DENND4A: variants seen among roughly 807,000 people sequenced by gnomAD.
DENND4A encodes the protein C-myc promoter-binding protein.
A neutral mutation model predicts 199.3 loss-of-function variants in DENND4A; 70 were observed. That is an observed-to-expected ratio of 0.35 (90% CI 0.29 to 0.43). The LOEUF is 0.43. Among genes scored for constraint, DENND4A ranks in the 20% least tolerant of loss-of-function variants. The pLI is 1.00. For missense variants in DENND4A, 1,723 were observed against 2,255.8 expected (o/e 0.76, Z 4.78); for synonymous variants, 686 against 766.9 (o/e 0.89, Z 1.74).
In DENND4A at chr15:65,718,760, C is replaced by CTTTTTTTTTTT. The variant is rs1038227560; in HGVS notation, c.1589-775_1589-765dup. Among the ~76,000 whole-genome samples, 215 of 67,796 alleles carry CTTTTTTTTTTT rather than the reference C, an allele frequency of 3.2e-3. 4 individuals are homozygous for CTTTTTTTTTTT. Among genetic ancestry groups the CTTTTTTTTTTT allele is most frequent in the East Asian group, 5.5e-3 (12 of 2,194 alleles). The allele number at this position is 67,796 out of a possible 152,430, so 44.5% of individuals were successfully genotyped here. A position where few individuals can be genotyped will look rare whatever the true frequency, so the allele number is the denominator to read the frequency against. The stretch of plus-strand genomic sequence containing the variant: ...TCAAAAGTTTTGCATGTTTTTTTTC[C>CTTTTTTTTTTT]TTTTTTTTTTTTTTTTTTTTTTTTT... On this transcript the variant is annotated intron_variant, in intron 12 of 32. Transcript: ENST00000443035.
In DENND4A at chr15:65,753,610, C is replaced by T. The variant is rs8023857; in HGVS notation, c.312-982G>A. Among the ~76,000 whole-genome samples, 926 of 152,230 alleles carry T rather than the reference C, an allele frequency of 6.1e-3. 7 individuals are homozygous for T. The highest frequency in any genetic ancestry group is 0.021 in the African/African-American group (889 of 41,552). ...CTGACCTCAAGTGATCTGTCTGCCT[C>T]GGCCTCCCAAAGTGTTGGGATTACA... On this transcript the variant is annotated intron_variant, in intron 3 of 32. Coordinates refer to ENST00000443035, the MANE Select transcript of DENND4A (RefSeq NM_001320835.1).
chr15:65,750,910 T>C (rs1016437377), intron 4 of DENND4A, among the ~76,000 whole-genome samples: 22 of 152,038 alleles, frequency 1.4e-4, no homozygotes, highest in African/African-American at 5.3e-4. Context: ...GCAAAGAATA[T>C]GATAGAGAGA....
intron 1 of DENND4A, among the ~76,000 whole-genome samples, chr15:65,781,029 G>A (rs578017687): frequency 1.3e-5 from 2 of 152,290 alleles, no homozygotes; most frequent in African/African-American, 4.8e-5. Flanking sequence ...CTGAGAAGGC[G>A]TTCTAGAGAA....
chr15:65,694,392 T>G (rs2077072487), intron 22 of DENND4A, among the ~76,000 whole-genome samples: 1 of 151,610 alleles, frequency 6.6e-6, no homozygotes, highest in African/African-American at 2.4e-5. Flanking sequence ...GAGGTTGCAG[T>G]GAGCCAAGAT....
chr15:65,731,069 A>T (rs2140388644), intron 9 of DENND4A, among the ~76,000 whole-genome samples: 1 of 152,168 alleles, frequency 6.6e-6, no homozygotes, highest in Admixed American at 6.5e-5. Flanking sequence ...AATGTCAAAG[A>T]TGGCAGCTAG....
intron 25 of DENND4A, 114 bp downstream of exon 25, chr15:65,671,678 C>G (rs1344832016): frequency 2.7e-6 from 2 of 743,934 alleles, no homozygotes; most frequent in East Asian, 5.1e-5. Flanking sequence ...GCGTGAGCCA[C>G]CGCGCCCAGC....
intron 7 of DENND4A, among the ~76,000 whole-genome samples, chr15:65,735,357 G>A (rs576730343): frequency 6.6e-6 from 1 of 152,172 alleles, no homozygotes; most frequent in Non-Finnish European, 1.5e-5. Context: ...CAGCCTGGGC[G>A]ACAGAACCAG....
At chr15:65,681,703 G>A (rs2076582989) in intron 23 of DENND4A, among the ~76,000 whole-genome samples, 1 of 151,862 alleles carries the variant, frequency 6.6e-6, no homozygotes, top group Non-Finnish European at 1.5e-5. Context: ...CGCTTCCTGA[G>A]TAGCTGGGAC....
intron 11 of DENND4A, among the ~76,000 whole-genome samples, chr15:65,723,582 T>A (rs1320281851): frequency 6.6e-6 from 1 of 152,154 alleles, no homozygotes; most frequent in Non-Finnish European, 1.5e-5. Flanking sequence ...CCCCCTTATC[T>A]GTAGAGGATA....
chr15:65,750,529 TA>T (rs968852158), intron 4 of DENND4A, among the ~76,000 whole-genome samples: 13 of 150,658 alleles, frequency 8.6e-5, no homozygotes, highest in African/African-American at 2.2e-4. Flanking sequence ...AAATTCAAAT[TA>T]AAAAAAAGGA....
intron 22 of DENND4A, among the ~76,000 whole-genome samples, chr15:65,694,074 G>C (rs1367639190): frequency 2.0e-5 from 3 of 152,124 alleles, no homozygotes; most frequent in South Asian, 2.1e-4. Context: ...ATTAGGCTTA[G>C]AGAAACATCT....
At chr15:65,757,179 A>G (rs956159570) in intron 2 of DENND4A, among the ~76,000 whole-genome samples, 1 of 151,632 alleles carries the variant, frequency 6.6e-6, no homozygotes, top group Non-Finnish European at 1.5e-5. Flanking sequence ...TGCAGTCTGT[A>G]AACTACCACT....
At chr15:65,746,264 T>C (rs898578020) in intron 4 of DENND4A, among the ~76,000 whole-genome samples, 5 of 151,996 alleles carry the variant, frequency 3.3e-5, no homozygotes, top group Admixed American at 2.6e-4. Flanking sequence ...AGTATCCACA[T>C]TGTGGTTTGC....
intron 2 of DENND4A, among the ~76,000 whole-genome samples, chr15:65,757,222 C>T (rs1485166260): frequency 6.9e-6 from 1 of 145,760 alleles, no homozygotes; most frequent in Non-Finnish European, 1.5e-5. Context: ...CCTCAATAAT[C>T]AAGAGGCTTG....
chr15:65,692,943 C>A (rs987011463), intron 22 of DENND4A, among the ~76,000 whole-genome samples: 1 of 152,120 alleles, frequency 6.6e-6, no homozygotes, highest in Non-Finnish European at 1.5e-5. Flanking sequence ...TAGCCTGAGG[C>A]CTGTTTTTGT....
At chr15:65,772,282 T>G (rs1257458659) in intron 1 of DENND4A, 1 of 537,882 alleles carries the variant, frequency 1.9e-6, no homozygotes, top group African/African-American at 1.9e-5. Flanking sequence ...TATTGAATAC[T>G]GAAATGGACA....
chr15:65,722,078 T>C (rs1298552251), intron 12 of DENND4A, among the ~76,000 whole-genome samples: 1 of 152,202 alleles, frequency 6.6e-6, no homozygotes, highest in Non-Finnish European at 1.5e-5. Context: ...AAGCACAGCA[T>C]TAAGATCCAC....
intron 12 of DENND4A, among the ~76,000 whole-genome samples, chr15:65,721,683 T>A (rs540919619): frequency 2.6e-5 from 4 of 151,302 alleles, no homozygotes; most frequent in African/African-American, 9.7e-5. Context: ...CTCACTGCAG[T>A]CTTAACTCCC....
At chr15:65,716,671 G>C (rs551292925) in intron 13 of DENND4A, among the ~76,000 whole-genome samples, 1 of 151,900 alleles carries the variant, frequency 6.6e-6, no homozygotes, top group African/African-American at 2.4e-5. Context: ...TTGGTTCCAA[G>C]TCTTTGTTAT....
Sources: gnomAD v4.1 joint callset for allele counts (sites outside exome capture counted in the v4.1 genomes callset) on GRCh38, gnomAD v4.1.1 for gene constraint, MANE v1.5 for transcripts, NCBI Gene and HGNC (gene_info 2026-07-23, HGNC 2026-07-21) for gene names.